GLIS3: variants seen among roughly 807,000 people sequenced by gnomAD.
GLIS3 encodes zinc finger protein GLIS3.
Under a neutral mutation model 78.6 loss-of-function variants are expected in GLIS3, and 53 were observed. That is an observed-to-expected ratio of 0.67 (90% CI 0.54 to 0.85). GLIS3 has a LOEUF of 0.85. GLIS3 is among the 40% of genes least tolerant of loss of function. The probability of loss-of-function intolerance (pLI) is 0.00; values close to 1 mark genes in which losing one functional copy is unlikely to be tolerated. For synonymous variants in GLIS3, 684 were observed against 509.9 expected (o/e 1.34, Z -4.60); for missense variants, 1,703 against 1,231.1 (o/e 1.38, Z -5.74).
chr9:3,987,415 T>C (rs898332714), intron 4 of GLIS3, among the ~76,000 whole-genome samples: 3 of 151,442 alleles, frequency 2.0e-5, no homozygotes, highest in Non-Finnish European at 4.4e-5. Flanking sequence ...TATAAAGAAA[T>C]AATGGGCTGG....
At chr9:4,403,094 C>T in the GLIS3 span, among the ~76,000 whole-genome samples, 14 of 152,228 alleles carry the variant, frequency 9.2e-5, no homozygotes, top group East Asian at 2.5e-3. Context: ...AAATAACATG[C>T]AATGGAAGTC....
chr9:4,380,256 C>T, the GLIS3 span, among the ~76,000 whole-genome samples: 1 of 152,120 alleles, frequency 6.6e-6, no homozygotes, highest in Non-Finnish European at 1.5e-5. Flanking sequence ...TTAACTGTTT[C>T]TTTTTTAAAT....
chr9:3,954,754 T>C (rs1164263122), intron 4 of GLIS3, among the ~76,000 whole-genome samples: 1 of 152,234 alleles, frequency 6.6e-6, no homozygotes, highest in Non-Finnish European at 1.5e-5. Flanking sequence ...GGAGAAAGAA[T>C]GAATATTAGA....
chr9:4,200,293 A>C (rs1819253862), intron 2 of GLIS3, among the ~76,000 whole-genome samples: 1 of 152,160 alleles, frequency 6.6e-6, no homozygotes, highest in Non-Finnish European at 1.5e-5. Context: ...AAGAAAATAA[A>C]TAACTAAAAT....
Position 3,893,701 on chromosome 9 carries a change from A to G in GLIS3, c.2128+4990T>C, listed in dbSNP as rs115026421. On this transcript the variant is annotated intron_variant, in intron 7 of 10. Transcript: ENST00000381971. ...AAAGGCTGAAAAACATTTGACCAGC[A>G]GCAGCACCTGGACCAGCAGCACCTG... Among the ~76,000 whole-genome samples the G allele has an allele frequency of 3.4e-4, 52 of 152,328 alleles. 1 individual carries two copies. The highest frequency in any genetic ancestry group is 1.2e-3 in the African/African-American group (51 of 41,584).
the GLIS3 span, among the ~76,000 whole-genome samples, chr9:4,395,096 G>C: frequency 6.6e-6 from 1 of 152,146 alleles, no homozygotes; most frequent in African/African-American, 2.4e-5. Flanking sequence ...GGCATTTATT[G>C]CATGTCTCCA....
chr9:4,412,453 A>G, the GLIS3 span, among the ~76,000 whole-genome samples: 4 of 152,132 alleles, frequency 2.6e-5, no homozygotes, highest in Non-Finnish European at 5.9e-5. Flanking sequence ...AACCTAAGAC[A>G]CAAGTGGTCT....
intron 6 of GLIS3, among the ~76,000 whole-genome samples, chr9:3,905,491 T>A (rs1659770866): frequency 6.6e-6 from 1 of 152,148 alleles, no homozygotes; most frequent in Admixed American, 6.5e-5. Context: ...CACTTCTGTT[T>A]GGTTTTCACT....
chr9:4,400,049 T>C, the GLIS3 span, among the ~76,000 whole-genome samples: 3,910 of 152,240 alleles, frequency 0.026, 59 homozygotes, highest in Middle Eastern at 0.068. Flanking sequence ...GGATTCAGAT[T>C]ATGAAGAACC....
intron 4 of GLIS3, among the ~76,000 whole-genome samples, chr9:4,102,641 A>G (rs1156813225): frequency 1.3e-5 from 2 of 152,202 alleles, no homozygotes; most frequent in East Asian, 3.8e-4. Context: ...CAAAATGTCA[A>G]TAGTGCTGAG....
At chr9:4,474,985 ATTTTTTTTTCTTT>A in the GLIS3 span, among the ~76,000 whole-genome samples, 1 of 114,490 alleles carries the variant, frequency 8.7e-6, no homozygotes, top group Non-Finnish European at 1.7e-5. Flanking sequence ...GACTATGTTA[ATTTTTTTTTCTTT>A]TTTTTTTTTT....
intron 2 of GLIS3, among the ~76,000 whole-genome samples, chr9:4,201,689 G>C (rs890357434): frequency 2.6e-5 from 4 of 152,010 alleles, no homozygotes; most frequent in Non-Finnish European, 2.9e-5. Flanking sequence ...AATCAGAGGT[G>C]ACACAAACAA....
intron 2 of GLIS3, among the ~76,000 whole-genome samples, chr9:4,184,180 G>C (rs1026976484): frequency 1.3e-5 from 2 of 152,118 alleles, no homozygotes; most frequent in Non-Finnish European, 2.9e-5. Flanking sequence ...AGCAATTACA[G>C]CCAACTCTTG....
chr9:3,967,351 A>C (rs1047436752), intron 4 of GLIS3, among the ~76,000 whole-genome samples: 2 of 152,124 alleles, frequency 1.3e-5, no homozygotes, highest in African/African-American at 4.8e-5. Context: ...TAAAAATAGA[A>C]AATTAGCCAG....
the GLIS3 span, among the ~76,000 whole-genome samples, chr9:4,411,971 T>A: frequency 6.6e-6 from 1 of 152,262 alleles, no homozygotes; most frequent in South Asian, 2.1e-4. Flanking sequence ...AAATGAGTTT[T>A]AAACATAGAA....
chr9:4,125,291 C>G (rs1279659497), intron 3 of GLIS3, among the ~76,000 whole-genome samples: 6 of 152,138 alleles, frequency 3.9e-5, no homozygotes, highest in Non-Finnish European at 7.3e-5. Flanking sequence ...AGATGGGTAG[C>G]TGGATGGATG....
At chr9:3,918,536 T>C (rs1824667076) in intron 6 of GLIS3, among the ~76,000 whole-genome samples, 1 of 152,136 alleles carries the variant, frequency 6.6e-6, no homozygotes, top group Non-Finnish European at 1.5e-5. Flanking sequence ...CTTAAACAAC[T>C]GGCATAAGAA....
chr9:4,349,431 T>A (rs545256846), upstream of GLIS3, among the ~76,000 whole-genome samples: 1 of 152,186 alleles, frequency 6.6e-6, no homozygotes, highest in Non-Finnish European at 1.5e-5. Flanking sequence ...GGCATGCACA[T>A]TGCATACAAT....
chr9:4,155,618 T>A (rs1032107740), intron 2 of GLIS3, among the ~76,000 whole-genome samples: 2 of 152,172 alleles, frequency 1.3e-5, no homozygotes, highest in Non-Finnish European at 2.9e-5. Flanking sequence ...CCAAAAGCCC[T>A]CCTGAATTTC....
Sources: gnomAD v4.1 joint callset for allele counts (sites outside exome capture counted in the v4.1 genomes callset) on GRCh38, gnomAD v4.1.1 for gene constraint, MANE v1.5 for transcripts, NCBI Gene and HGNC (gene_info 2026-07-23, HGNC 2026-07-21) for gene names.